The following UBE2S variants were observed in gnomAD, a reference collection of about 807,000 sequenced individuals.
UBE2S encodes the protein ubiquitin-conjugating enzyme E2 S.
UBE2S carries 3 observed loss-of-function variants against 12.3 expected under a neutral mutation model. That is an observed-to-expected ratio of 0.24 (90% confidence interval 0.11 to 0.63). UBE2S has a LOEUF of 0.63. UBE2S is among the 30% of genes least tolerant of loss of function. UBE2S has a pLI of 0.85. For missense variants in UBE2S, 211 were observed against 313.9 expected, an observed-to-expected ratio of 0.67 and a Z score of 2.48; for synonymous variants, 133 against 142.0, an observed-to-expected ratio of 0.94 and a Z score of 0.45.
At chr19:55,406,593 A>G (rs1163058804) in intron 2 of UBE2S, among the ~76,000 whole-genome samples, 3 of 152,168 alleles carry the variant, frequency 2.0e-5, no homozygotes, top group African/African-American at 7.2e-5. Context: ...TCAAATCTAG[A>G]GTACCGTCCC....
chr19:55,404,161 T>C lies in UBE2S; in HGVS notation c.342+127A>G. 6 of 1,260,212 alleles carry C rather than the reference T, an allele frequency of 4.8e-6. No homozygotes were observed. The highest frequency in any genetic ancestry group is 6.6e-6 in the Non-Finnish European group (6 of 904,586). 78.1% of individuals were successfully genotyped at this position (1,260,212 alleles called of 1,614,324 possible). A position where few individuals can be genotyped will look rare whatever the true frequency, so the allele number is the denominator to read the frequency against. ...TTTCCAGGAAAGCTAGCAACATGGATTTTTATGTGGAAACCTTCAACCACT... is the reference window on the plus strand; with the variant it reads ...TTTCCAGGAAAGCTAGCAACATGGACTTTTATGTGGAAACCTTCAACCACT... On this transcript the variant is annotated intron_variant, in intron 3 of 3. Transcript: ENST00000264552. This position sits in a 1 kb window ranked among gnomAD's most constrained non-coding sequence, Gnocchi z 4.4.
rs932992535 is a variant in UBE2S at position 55,407,739 on chromosome 19, G to T, written c.-150C>A. ...CTCCCCGCTGCCTCCGACGTCCGCC[G>T]CGCACAGCGTAGACCAACCCGCCGC... On this transcript the variant is annotated 5_prime_UTR_variant, in exon 1 of 4. Coordinates refer to ENST00000264552, the MANE Select transcript of UBE2S (RefSeq NM_014501.3). 1 of 532,926 alleles carries T rather than the reference G, an allele frequency of 1.9e-6. No individual in the cohort carries two copies. Among genetic ancestry groups the T allele is most frequent in the Non-Finnish European group, 2.8e-6 (1 of 355,658 alleles). 33.0% of individuals were successfully genotyped at this position (532,926 alleles called of 1,614,324 possible). A position where few individuals can be genotyped will look rare whatever the true frequency, so the allele number is the denominator to read the frequency against.
At position 55,406,895 on chromosome 19, in the gene UBE2S, G is replaced by A. The variant is rs1308392428; in HGVS notation, c.71C>T (p.Thr24Ile). ...RLVYKEVTTLTADPPDGIKVF... is the reference protein window; with the variant it reads ...RLVYKEVTTLIADPPDGIKVF... ...CTTGATGCCATCGGGTGGGTCTGCGGTCAGTGTCGTCACCTCCTTGTACAC... is the reference window on the plus strand; with the variant it reads ...CTTGATGCCATCGGGTGGGTCTGCGATCAGTGTCGTCACCTCCTTGTACAC... The change falls in exon 2 of 4, where the codon ACC becomes ATC. Residue 24 changes from threonine (T) to isoleucine (I), a missense_variant. Thr to Ile is a moderately conservative substitution (Grantham distance 89, BLOSUM62 -1). This residue lies in a region of UBE2S where 127 missense variants were observed against 224.0 expected (regional missense o/e 0.57). Coordinates refer to ENST00000264552, the MANE Select transcript of UBE2S (RefSeq NM_014501.3). 6.2e-7 allele frequency: 1 copy of A among 1,613,904 alleles called. No homozygotes were observed. The highest frequency in any genetic ancestry group is 8.5e-7 in the Non-Finnish European group (1 of 1,179,962).
At position 55,407,703 on chromosome 19, in the gene UBE2S, G is replaced by A. The variant is rs1275144073; in HGVS notation, c.-114C>T. 2.3e-5 allele frequency: 18 copies of A among 789,692 alleles called. No individual in the cohort carries two copies. Among genetic ancestry groups the A allele is most frequent in the South Asian group, 4.8e-5 (1 of 20,782 alleles). The allele number at this position is 789,692 out of a possible 1,614,324, so 48.9% of individuals were successfully genotyped here. A position where few individuals can be genotyped will look rare whatever the true frequency, so the allele number is the denominator to read the frequency against. ...CTGCGGCCCTGGAGAGGCCCCGGCG[G>A]CCCCGCTCCGCTCCCCGCTGCCTCC... On this transcript the variant is annotated 5_prime_UTR_variant, in exon 1 of 4. Coordinates refer to ENST00000264552, the MANE Select transcript of UBE2S (RefSeq NM_014501.3).
In UBE2S at chr19:55,404,743, G is replaced by A. The variant is rs2090085519; in HGVS notation, c.152-265C>T. On this transcript the variant is annotated intron_variant, in intron 2 of 3. Transcript: ENST00000264552. This position sits in a 1 kb window ranked among gnomAD's most constrained non-coding sequence, Gnocchi z 4.4. ...CCCATCTCAGCCTGCCAAGTAGCTG[G>A]GATTACGGGCATGCCACCAGGTCTG... Among the ~76,000 whole-genome samples, 1 of 152,146 alleles carries A rather than the reference G, an allele frequency of 6.6e-6. No individual in the cohort carries two copies. The highest frequency in any genetic ancestry group is 2.4e-5 in the African/African-American group (1 of 41,426).
Position 55,406,960 on chromosome 19 carries a change from GT to G in UBE2S, c.5del (p.Asn2ThrfsTer19). 6.2e-7 allele frequency: 1 copy of G among 1,613,594 alleles called. No individual in the cohort carries two copies. Among genetic ancestry groups the G allele is most frequent in the Non-Finnish European group, 8.5e-7 (1 of 1,179,732 alleles). M[N>X]SNVENLPPHI... ...GCGGGGGTAGGTTCTCCACGTTGGA[GT>G]TCTGGGCACGGATGGGAGAGCAGGG... On this transcript the variant is annotated frameshift_variant and splice_region_variant, in exon 2 of 4. Transcript: ENST00000264552. LOFTEE classifies it high-confidence loss of function.
chr19:55,401,466 C>A lies in UBE2S; in HGVS notation c.639G>T (p.Thr213=). Residue 213 remains threonine, a synonymous_variant, in exon 4 of 4, where the codon ACG becomes ACT. Coordinates refer to ENST00000264552, the MANE Select transcript of UBE2S (RefSeq NM_014501.3). Reference sequence around the variant, plus strand: ...GCCGCCGCAGCGCCCGCTTCTTGTCCGTCTTTTTCTTGGCCGCCAGCTTCT... The same window carrying A: ...GCCGCCGCAGCGCCCGCTTCTTGTCAGTCTTTTTCTTGGCCGCCAGCTTCT... ...RDKKLAAKKK[T]DKKRALRRL The A allele has an allele frequency of 6.2e-7, 1 of 1,607,082 alleles. No individual in the cohort carries two copies. Among genetic ancestry groups the A allele is most frequent in the African/African-American group, 1.3e-5 (1 of 74,848 alleles).
In UBE2S at chr19:55,400,343, A is replaced by G. The variant is rs1600316131; in HGVS notation, c.*1093T>C. 6.6e-6 allele frequency: 1 copy of G among 152,182 alleles called. No homozygotes were observed. The highest frequency in any genetic ancestry group is 1.5e-5 in the Non-Finnish European group (1 of 68,040). The allele number at this position is 152,182 out of a possible 1,614,324, so 9.4% of individuals were successfully genotyped here. A position where few individuals can be genotyped will look rare whatever the true frequency, so the allele number is the denominator to read the frequency against. ...ATTTTTAATTTTTTTAAAATTAATG[A>G]GACATTGGTCTAAATAACCTAAACG... On this transcript the variant is annotated 3_prime_UTR_variant, in exon 4 of 4. Coordinates refer to ENST00000264552, the MANE Select transcript of UBE2S (RefSeq NM_014501.3).
chr19:55,403,564 T>G (rs1055449550), intron 3 of UBE2S, among the ~76,000 whole-genome samples: 3 of 151,766 alleles, frequency 2.0e-5, no homozygotes, highest in Admixed American at 6.6e-5. Context: ...AGAAAGAGCT[T>G]CTAACTAGAC....
In UBE2S at chr19:55,407,614, C is replaced by T. The variant is rs1006054249; in HGVS notation, c.-25G>A. On this transcript the variant is annotated 5_prime_UTR_variant, in exon 1 of 4. Transcript: ENST00000264552. ...TGGCTGCGGCCGGCCGGGGGCGGGTCCCCCCGGCCCCCTTCCTGCGTTCTT... is the reference window on the plus strand; with the variant it reads ...TGGCTGCGGCCGGCCGGGGGCGGGTTCCCCCGGCCCCCTTCCTGCGTTCTT... The T allele has an allele frequency of 1.0e-5, 14 of 1,363,234 alleles. No individual in the cohort carries two copies. Among genetic ancestry groups the T allele is most frequent in the Non-Finnish European group, 1.3e-5 (14 of 1,059,670 alleles). The allele number at this position is 1,363,234 out of a possible 1,614,324, so 84.4% of individuals were successfully genotyped here.
intron 3 of UBE2S, chr19:55,403,127 TG>T: frequency 1.3e-6 from 1 of 795,190 alleles, no homozygotes; most frequent in Non-Finnish European, 2.1e-6. Context: ...ACCCCCGAGT[TG>T]TGACAACCCT....
chr19:55,403,328 A>G (rs1485789119), intron 3 of UBE2S: 1 of 530,056 alleles, frequency 1.9e-6, no homozygotes, highest in Admixed American at 3.5e-5. Context: ...GCAAACCATA[A>G]AAATATAAAA....
At position 55,404,278 on chromosome 19, in the gene UBE2S, C is replaced by T; in HGVS notation, c.342+10G>A. On this transcript the variant is annotated intron_variant, in intron 3 of 3. Transcript: ENST00000264552. This position sits in a 1 kb window ranked among gnomAD's most constrained non-coding sequence, Gnocchi z 4.4. ...GGAGGCAGGAGGCCCAGCCCCAGCC[C>T]AGAACTCACCAGCAGTACGTGTCGG... is the stretch of plus-strand genomic sequence containing the variant. 6.2e-7 allele frequency: 1 copy of T among 1,611,534 alleles called. No individual in the cohort carries two copies. The highest frequency in any genetic ancestry group is 8.5e-7 in the Non-Finnish European group (1 of 1,179,790).
At chr19:55,406,719 G>C (rs1600323372) in intron 2 of UBE2S, 96 bp downstream of exon 2, 1 of 1,477,744 alleles carries the variant, frequency 6.8e-7, no homozygotes, top group Non-Finnish European at 9.1e-7. Context: ...CTGACACGAG[G>C]CCAGCCTGTA....
chr19:55,406,384 CATGACCCGTCTCCCCACG>C (rs1316703109), intron 2 of UBE2S, among the ~76,000 whole-genome samples: 1 of 152,192 alleles, frequency 6.6e-6, no homozygotes, highest in Non-Finnish European at 1.5e-5. Flanking sequence ...GCAAATCATT[CATGACCCGTCTCCCCACG>C]ATCTGCATCT....
chr19:55,406,229 G>A (rs1269238884), intron 2 of UBE2S, among the ~76,000 whole-genome samples: 2 of 152,158 alleles, frequency 1.3e-5, no homozygotes, highest in Admixed American at 6.5e-5. Context: ...GGTCTTTCCT[G>A]ACCACCTACC....
In UBE2S at chr19:55,404,294, T is replaced by C. The variant is rs2123313234; in HGVS notation, c.336A>G (p.Val112=). The change falls in exon 3 of 4, where the codon GTA becomes GTG. Residue 112 remains valine, a synonymous_variant. Coordinates refer to ENST00000264552, the MANE Select transcript of UBE2S (RefSeq NM_014501.3). This position sits in a 1 kb window ranked among gnomAD's most constrained non-coding sequence, Gnocchi z 4.4. ...GCCCCAGCCCAGAACTCACCAGCAG[T>C]ACGTGTCGGATGCCCAGCTCAGCCG... ...DWTAELGIRH[V]LLTIKCLLIH... 1.9e-6 allele frequency: 3 copies of C among 1,612,784 alleles called. No homozygotes were observed. In the East Asian group the frequency reaches 6.7e-5, roughly 36 times the overall value.
chr19:55,405,188 C>G (rs991219565), intron 2 of UBE2S, among the ~76,000 whole-genome samples: 88 of 125,418 alleles, frequency 7.0e-4, no homozygotes, highest in African/African-American at 2.7e-3. Context: ...CCAGCCTGGG[C>G]AACAAGAGCG....
rs1174192343 is a variant in UBE2S at position 55,401,237 on chromosome 19, C to A, written c.*199G>T. 1.2e-5 allele frequency: 8 copies of A among 665,832 alleles called. No homozygotes were observed. The highest frequency in any genetic ancestry group is 1.8e-5 in the Non-Finnish European group (7 of 399,130). 41.2% of individuals were successfully genotyped at this position (665,832 alleles called of 1,614,324 possible). ...CAGGGGAGCCAAACTCCCAGAGCCA[C>A]ATGGCACCATGCAGCGGTCCTGGGG... On this transcript the variant is annotated 3_prime_UTR_variant, in exon 4 of 4. Coordinates refer to ENST00000264552, the MANE Select transcript of UBE2S (RefSeq NM_014501.3).
Sources: gnomAD v4.1 joint callset for allele counts (sites outside exome capture counted in the v4.1 genomes callset) on GRCh38, gnomAD v4.1.1 for gene constraint, gnomAD v4.1.1 regional missense constraint, Gnocchi (gnomAD v3.1) non-coding constraint, MANE v1.5 for transcripts, NCBI Gene and HGNC (gene_info 2026-07-23, HGNC 2026-07-21) for gene names.